Variants in RALGAPA2 observed in about 807,000 individuals in gnomAD.
The protein encoded by RALGAPA2 is ral GTPase-activating protein subunit alpha-2.
In RALGAPA2, 139 loss-of-function variants were observed where a neutral mutation model predicts 230.4. The observed-to-expected ratio is 0.60, with a 90% CI of 0.53 to 0.69. The LOEUF (loss-of-function observed/expected upper bound fraction) is 0.69. RALGAPA2 is among the 30% of genes least tolerant of loss of function. RALGAPA2 has a pLI of 0.00. For synonymous variants in RALGAPA2, 847 were observed against 837.8 expected, an observed-to-expected ratio of 1.01 and a Z score of -0.19; for missense variants, 2,163 against 2,276.0, an observed-to-expected ratio of 0.95 and a Z score of 1.01.
intron 10 of RALGAPA2, among the ~76,000 whole-genome samples, chr20:20,624,302 G>A (rs1033256314): frequency 6.9e-6 from 1 of 144,184 alleles, no homozygotes; most frequent in African/African-American, 2.6e-5. Context: ...ACTCCAGCCT[G>A]TGTGATGGGA....
At chr20:20,669,294 T>C (rs2068058162) in intron 3 of RALGAPA2, among the ~76,000 whole-genome samples, 1 of 152,246 alleles carries the variant, frequency 6.6e-6, no homozygotes, top group Non-Finnish European at 1.5e-5. Flanking sequence ...GCAGAAAGCT[T>C]GAAACAGTAT....
At chr20:20,572,612 T>C (rs1445131121) in intron 21 of RALGAPA2, among the ~76,000 whole-genome samples, 2 of 152,206 alleles carry the variant, frequency 1.3e-5, no homozygotes, top group African/African-American at 2.4e-5. Context: ...ATCACTTTTA[T>C]AAAGAGAGTA....
chr20:20,444,461 C>T (rs1006999832), intron 37 of RALGAPA2, among the ~76,000 whole-genome samples: 5 of 152,094 alleles, frequency 3.3e-5, no homozygotes, highest in African/African-American at 1.2e-4. Flanking sequence ...CACACACGCA[C>T]AGACACACAC....
intron 36 of RALGAPA2, among the ~76,000 whole-genome samples, chr20:20,491,038 A>C (rs190937511): frequency 1.2e-4 from 18 of 152,200 alleles, no homozygotes; most frequent in Admixed American, 3.3e-4. Context: ...AAAGGCATTT[A>C]GAATCCCTGT....
At chr20:20,637,584 T>A in intron 7 of RALGAPA2, 83 bp from the exon 8 acceptor site, 2 of 1,204,116 alleles carry the variant, frequency 1.7e-6, no homozygotes, top group East Asian at 2.9e-5. Flanking sequence ...GTTATGTTAC[T>A]AAAATTCCTA....
intron 18 of RALGAPA2, among the ~76,000 whole-genome samples, chr20:20,586,453 T>C (rs1398490622): frequency 4.6e-5 from 7 of 152,232 alleles, no homozygotes; most frequent in Admixed American, 4.6e-4. Context: ...GAACCCATAA[T>C]AAAACATCAC....
intron 23 of RALGAPA2, among the ~76,000 whole-genome samples, chr20:20,571,111 G>T (rs546029788): frequency 1.4e-4 from 21 of 152,288 alleles, no homozygotes; most frequent in African/African-American, 4.8e-4. Flanking sequence ...TAAATGATCA[G>T]TACCACTTTC....
At chr20:20,534,035 G>A (rs1602683003) in intron 26 of RALGAPA2, among the ~76,000 whole-genome samples, 1 of 152,020 alleles carries the variant, frequency 6.6e-6, no homozygotes, top group East Asian at 1.9e-4. Flanking sequence ...CCTAGTCTTT[G>A]AAAAGACTAA....
chr20:20,680,691 C>T lies in RALGAPA2; in HGVS notation c.217G>A (p.Gly73Arg). The T allele has an allele frequency of 1.9e-6, 3 of 1,542,354 alleles. No individual in the cohort carries two copies. The South Asian group carries it at 3.8e-5, about 19-fold the overall frequency. Reference protein sequence around the residue: ...IALENSLKLKGNNKSQREELD... With the variant: ...IALENSLKLKRNNKSQREELD... ...AAAAAAAAACTACTGAAATGCTTAC[C>T]TTTTAATTTCAAACTATTTTCCAGT... The change falls in exon 2 of 40, where the codon GGG (glycine) becomes AGG (arginine). Residue 73 changes from glycine (G) to arginine (R), a missense_variant and splice_region_variant. Coordinates refer to ENST00000202677, the MANE Select transcript of RALGAPA2 (RefSeq NM_020343.4).
intron 23 of RALGAPA2, among the ~76,000 whole-genome samples, chr20:20,563,002 G>A (rs570793285): frequency 2.6e-5 from 4 of 152,228 alleles, no homozygotes; most frequent in Non-Finnish European, 4.4e-5. Context: ...GAAAACACTC[G>A]GAAGGCAGTG....
chr20:20,533,947 T>C (rs1484751068), intron 26 of RALGAPA2, among the ~76,000 whole-genome samples: 3 of 151,540 alleles, frequency 2.0e-5, no homozygotes, highest in African/African-American at 7.3e-5. Context: ...GTAAAGAAAG[T>C]AAAAGGAAGG....
intron 31 of RALGAPA2, among the ~76,000 whole-genome samples, chr20:20,515,591 A>G (rs1224063428): frequency 6.6e-6 from 1 of 152,216 alleles, no homozygotes; most frequent in East Asian, 1.9e-4. Context: ...CCTTAACCCT[A>G]CCCAGAGCTG....
chr20:20,503,856 TTTTCAAAACAG>T (rs2062451879), intron 34 of RALGAPA2, among the ~76,000 whole-genome samples: 1 of 152,156 alleles, frequency 6.6e-6, no homozygotes, highest in Non-Finnish European at 1.5e-5. Flanking sequence ...GGTTTCTGCT[TTTTCAAAACAG>T]AAAGCACACT....
intron 26 of RALGAPA2, among the ~76,000 whole-genome samples, chr20:20,533,921 C>T (rs2063432031): frequency 6.6e-6 from 1 of 151,766 alleles, no homozygotes; most frequent in Admixed American, 6.6e-5. Context: ...AAATATATAA[C>T]CTTAAAGGTA....
At chr20:20,399,083 G>A (rs1041478956) in intron 38 of RALGAPA2, among the ~76,000 whole-genome samples, 3 of 152,184 alleles carry the variant, frequency 2.0e-5, no homozygotes, top group African/African-American at 7.2e-5. Context: ...GGTGGCTCAC[G>A]CCTGTAATCC....
In RALGAPA2 at chr20:20,618,113, C is replaced by T. The variant is rs118058622; in HGVS notation, c.1539+1164G>A. Among the ~76,000 whole-genome samples, 334 of 152,260 alleles carry T rather than the reference C, an allele frequency of 2.2e-3. 8 individuals carry two copies. The East Asian group carries it at 0.052, about 24-fold the overall frequency. On this transcript the variant is annotated intron_variant, in intron 12 of 39. Transcript: ENST00000202677. Reference sequence around the variant, plus strand: ...CTGCTGTACTCATTTCATTTAAAGTCGCCATTTCCAAGAACCCACTGATGA... The same window carrying T: ...CTGCTGTACTCATTTCATTTAAAGTTGCCATTTCCAAGAACCCACTGATGA...
At chr20:20,548,220 AATTCT>A (rs2063827718) in intron 23 of RALGAPA2, among the ~76,000 whole-genome samples, 1 of 152,158 alleles carries the variant, frequency 6.6e-6, no homozygotes, top group Non-Finnish European at 1.5e-5. Flanking sequence ...ATCCTGATTT[AATTCT>A]ATCAGTATCA....
intron 24 of RALGAPA2, among the ~76,000 whole-genome samples, chr20:20,540,573 G>T (rs2063617667): frequency 6.6e-6 from 1 of 151,800 alleles, no homozygotes; most frequent in Non-Finnish European, 1.5e-5. Flanking sequence ...TGAATTTTTT[G>T]AAGTTTATAT....
At chr20:20,453,348 T>TG (rs2061033764) in intron 37 of RALGAPA2, among the ~76,000 whole-genome samples, 3 of 151,582 alleles carry the variant, frequency 2.0e-5, no homozygotes, top group Admixed American at 6.6e-5. Context: ...TGGCATGAGA[T>TG]GGGGGAAGGT....
Sources: gnomAD v4.1 joint callset for allele counts (sites outside exome capture counted in the v4.1 genomes callset) on GRCh38, gnomAD v4.1.1 for gene constraint, MANE v1.5 for transcripts, NCBI Gene and HGNC (gene_info 2026-07-23, HGNC 2026-07-21) for gene names.